The following PCDHGA10 variants were observed in gnomAD, a reference collection of about 807,000 sequenced individuals.
PCDHGA10 encodes the protein protocadherin gamma subfamily A, 10.
A neutral mutation model predicts 59.5 loss-of-function variants in PCDHGA10; 42 were observed. The ratio of observed to expected loss-of-function variants is 0.71; its 90% confidence interval spans 0.55 to 0.91. PCDHGA10 has a LOEUF of 0.91. Ranked by LOEUF, PCDHGA10 falls within the 40% of genes least tolerant of loss-of-function variation. The pLI, the probability that PCDHGA10 is intolerant of heterozygous loss-of-function variation, is 0.00. For synonymous variants in PCDHGA10, 511 were observed against 517.2 expected (o/e 0.99, Z 0.16); for missense variants, 1,111 against 1,198.2 (o/e 0.93, Z 1.07).
chr5:141,456,700 C>G (rs1420857227), intron 1 of PCDHGA10, among the ~76,000 whole-genome samples: 2 of 152,060 alleles, frequency 1.3e-5, no homozygotes, highest in Admixed American at 1.3e-4. Flanking sequence ...CGTGGTGGCT[C>G]GCGCCTGTAA....
At chr5:141,510,366 T>A (rs1452829030) in intron 3 of PCDHGA10, among the ~76,000 whole-genome samples, 1 of 140,062 alleles carries the variant, frequency 7.1e-6, no homozygotes, top group Non-Finnish European at 1.6e-5. Context: ...AACTACCGAA[T>A]CTCTACTCGT....
intron 1 of PCDHGA10, among the ~76,000 whole-genome samples, chr5:141,463,948 C>A (rs1397198849): frequency 6.6e-6 from 1 of 151,846 alleles, no homozygotes; most frequent in Non-Finnish European, 1.5e-5. Context: ...TAGAAATCTT[C>A]ATTTTTAAAA....
chr5:141,502,866 C>CTTTT (rs549047197), intron 2 of PCDHGA10, among the ~76,000 whole-genome samples: 3 of 128,028 alleles, frequency 2.3e-5, no homozygotes, highest in African/African-American at 6.2e-5. Flanking sequence ...GACTCTCTGT[C>CTTTT]TTTTTTTTTT....
At chr5:141,505,599 G>T in intron 3 of PCDHGA10, 118 bp downstream of exon 3, 1 of 1,555,586 alleles carries the variant, frequency 6.4e-7, no homozygotes, top group Non-Finnish European at 8.7e-7. Context: ...CAGATCTTTC[G>T]GCAGGTCTGA....
intron 1 of PCDHGA10, among the ~76,000 whole-genome samples, chr5:141,482,529 GC>G (rs1229840218): frequency 3.6e-5 from 2 of 56,040 alleles, no homozygotes; most frequent in Non-Finnish European, 5.8e-5. Context: ...AGACAGACAT[GC>G]AAAAAAAAAA....
Position 141,415,594 on chromosome 5 carries a change from G to A in PCDHGA10, c.2419G>A (p.Asp807Asn), listed in dbSNP as rs753362668. 1 of 1,613,866 alleles carries A rather than the reference G, an allele frequency of 6.2e-7. No individual in the cohort carries two copies. The highest frequency in any genetic ancestry group is 8.5e-7 in the Non-Finnish European group (1 of 1,179,968). Residue 807 changes from aspartate (D) to asparagine (N), a missense_variant, in exon 1 of 4, where the codon GAT becomes AAT. Physicochemically the swap from Asp to Asn is conservative, Grantham distance 23. Transcript: ENST00000398610. ...LLDDSKFPIE[D>N]TPLVPQAPPN... ...AGATGATTCGAAGTTTCCTATAGAG[G>A]ATACCCCATTGGTTCCAGTGAGTTT... is the stretch of plus-strand genomic sequence containing the variant.
intron 1 of PCDHGA10, among the ~76,000 whole-genome samples, chr5:141,429,503 C>T (rs890656634): frequency 1.3e-5 from 2 of 151,922 alleles, no homozygotes; most frequent in Admixed American, 6.6e-5. Context: ...TTGCCTGAAA[C>T]TGTGCCTGGC....
intron 1 of PCDHGA10, chr5:141,418,451 A>AG (rs2096259161): frequency 3.1e-6 from 5 of 1,614,046 alleles, no homozygotes; most frequent in Non-Finnish European, 4.2e-6. Context: ...AGTATTGCAG[A>AG]AGACTCTGGA....
intron 1 of PCDHGA10, chr5:141,418,237 T>G (rs1470328670): frequency 6.2e-7 from 1 of 1,614,044 alleles, no homozygotes. Context: ...TTGAGGATGT[T>G]AATGACCACG....
At chr5:141,458,727 A>G (rs1424554234) in intron 1 of PCDHGA10, among the ~76,000 whole-genome samples, 1 of 151,570 alleles carries the variant, frequency 6.6e-6, no homozygotes, top group East Asian at 1.9e-4. Flanking sequence ...TCGCCACCAC[A>G]TCCAGCTATT....
intron 1 of PCDHGA10, among the ~76,000 whole-genome samples, chr5:141,492,927 G>C (rs925569925): frequency 6.6e-6 from 1 of 152,180 alleles, no homozygotes; most frequent in Non-Finnish European, 1.5e-5. Context: ...AGCGATCTAG[G>C]GTCAGAGATT....
intron 1 of PCDHGA10, among the ~76,000 whole-genome samples, chr5:141,453,315 T>A (rs1410108522): frequency 6.6e-6 from 1 of 151,214 alleles, no homozygotes; most frequent in African/African-American, 2.5e-5. Context: ...TTATTTATTT[T>A]AGAGATGGGG....
At chr5:141,450,869 G>A (rs1435272731) in intron 1 of PCDHGA10, among the ~76,000 whole-genome samples, 1 of 147,142 alleles carries the variant, frequency 6.8e-6, no homozygotes, top group Admixed American at 6.9e-5. Context: ...CTGTCACCCA[G>A]GCTGGTGTGC....
chr5:141,488,656 G>A (rs2099678001), intron 1 of PCDHGA10, among the ~76,000 whole-genome samples: 1 of 152,200 alleles, frequency 6.6e-6, no homozygotes, highest in African/African-American at 2.4e-5. Flanking sequence ...ATGGGGGAGG[G>A]TGGGGGAATA....
In PCDHGA10 at chr5:141,489,372, G is replaced by A. The variant is rs1335356378; in HGVS notation, c.2437-5435G>A. 2 of 1,613,814 alleles carry A rather than the reference G, an allele frequency of 1.2e-6. No individual in the cohort carries two copies. Among genetic ancestry groups the A allele is most frequent in the Non-Finnish European group, 1.7e-6 (2 of 1,179,700 alleles). On this transcript the variant is annotated intron_variant, in intron 1 of 3. Transcript: ENST00000398610. The surrounding 1 kb of genome is among the most constrained non-coding windows in gnomAD (Gnocchi z 4.5). ...TGGAGGAGTCTGAGCCGGGGACGCT[G>A]GTGGGGAATGTTGCTCAGGATCTGG...
At chr5:141,427,153 T>C (rs2096993361) in intron 1 of PCDHGA10, 1 of 456,886 alleles carries the variant, frequency 2.2e-6, no homozygotes, top group Non-Finnish European at 4.4e-6. Context: ...GGAAATATGT[T>C]TGTGCTAGAC....
chr5:141,432,935 C>T lies in PCDHGA10; in HGVS notation c.2436+17324C>T. The T allele has an allele frequency of 4.3e-6, 7 of 1,614,218 alleles. No homozygotes were observed. The highest frequency in any genetic ancestry group is 5.1e-6 in the Non-Finnish European group (6 of 1,180,046). On this transcript the variant is annotated intron_variant, in intron 1 of 3. Transcript: ENST00000398610. This position sits in a 1 kb window ranked among gnomAD's most constrained non-coding sequence, Gnocchi z 6.0. The stretch of plus-strand genomic sequence containing the variant: ...GCGCTGGCACAAGTCACGCCTGCTG[C>T]AGGCTTCAGGAGGCGGCTTGACAGG...
At chr5:141,498,973 GA>G (rs1161965842) in intron 2 of PCDHGA10, among the ~76,000 whole-genome samples, 8 of 11,660 alleles carry the variant, frequency 6.9e-4, no homozygotes, top group Admixed American at 4.8e-3. Flanking sequence ...GGGAGGGAGG[GA>G]AGGAAGGAAG....
In PCDHGA10 at chr5:141,476,653, C is replaced by T; in HGVS notation, c.2437-18154C>T. ...CCTATGAGCTGAGCCGAAATGAATA[C>T]TTTGCGCTTCGCGTGCAGACGCGGG... is the stretch of plus-strand genomic sequence containing the variant. On this transcript the variant is annotated intron_variant, in intron 1 of 3. Transcript: ENST00000398610. The surrounding 1 kb of genome is among the most constrained non-coding windows in gnomAD (Gnocchi z 7.6). 6.2e-7 allele frequency: 1 copy of T among 1,614,270 alleles called. No individual in the cohort carries two copies. The highest frequency in any genetic ancestry group is 8.5e-7 in the Non-Finnish European group (1 of 1,180,058).
Sources: allele counts gnomAD v4.1 joint callset (sites outside exome capture counted in the v4.1 genomes callset), GRCh38; gene constraint gnomAD v4.1.1; non-coding constraint Gnocchi (gnomAD v3.1); transcripts MANE v1.5; gene names NCBI Gene and HGNC (gene_info 2026-07-23, HGNC 2026-07-21).